Variants in CACHD1 observed in about 807,000 individuals in gnomAD.
CACHD1 encodes the protein cache domain containing 1.
CACHD1 carries 71 observed loss-of-function variants against 138.7 expected under a neutral mutation model. The observed-to-expected ratio is 0.51, with a 90% CI of 0.42 to 0.62. The LOEUF is 0.62. Ranked by LOEUF, CACHD1 falls within the 20% of genes least tolerant of loss-of-function variation. The pLI, the probability that CACHD1 is intolerant of heterozygous loss-of-function variation, is 0.00. For synonymous variants in CACHD1, 578 were observed against 591.5 expected (o/e 0.98, Z 0.33); for missense variants, 1,389 against 1,625.3 (o/e 0.85, Z 2.50).
At chr1:64,542,314 A>AT (rs1042741281) in intron 1 of CACHD1, among the ~76,000 whole-genome samples, 14 of 151,176 alleles carry the variant, frequency 9.3e-5, no homozygotes, top group African/African-American at 2.2e-4. Flanking sequence ...TCACTGATGC[A>AT]TTTTTTTTTA....
At chr1:64,607,103 C>T (rs1647365025) in intron 4 of CACHD1, among the ~76,000 whole-genome samples, 1 of 152,094 alleles carries the variant, frequency 6.6e-6, no homozygotes, top group Non-Finnish European at 1.5e-5. Context: ...AATCATGAGG[C>T]TCATTTAGAT....
intron 8 of CACHD1, among the ~76,000 whole-genome samples, chr1:64,647,383 C>T (rs1407900294): frequency 6.6e-6 from 1 of 152,178 alleles, no homozygotes; most frequent in Non-Finnish European, 1.5e-5. Context: ...GAAAGGATCA[C>T]CCTCTGTTCT....
chr1:64,473,082 G>T (rs955710778), intron 1 of CACHD1, among the ~76,000 whole-genome samples: 1 of 152,024 alleles, frequency 6.6e-6, no homozygotes, highest in Non-Finnish European at 1.5e-5. Flanking sequence ...GTGCCCAAAT[G>T]GTCCTTTATC....
chr1:64,488,038 C>T (rs947615755), intron 1 of CACHD1, among the ~76,000 whole-genome samples: 1 of 152,168 alleles, frequency 6.6e-6, no homozygotes, highest in Middle Eastern at 3.2e-3. Flanking sequence ...TTGTCCATCT[C>T]TAATTTCTGG....
At chr1:64,490,829 T>C (rs1206402860) in intron 1 of CACHD1, among the ~76,000 whole-genome samples, 1 of 152,222 alleles carries the variant, frequency 6.6e-6, no homozygotes, top group Non-Finnish European at 1.5e-5. Flanking sequence ...TCATGCTTTT[T>C]CAGTTATAAC....
intron 1 of CACHD1, among the ~76,000 whole-genome samples, chr1:64,492,645 C>T (rs920564184): frequency 5.3e-5 from 8 of 151,998 alleles, no homozygotes; most frequent in Non-Finnish European, 7.4e-5. Flanking sequence ...GCGGTTACTC[C>T]GCTGATCGTT....
chr1:64,502,134 T>C (rs1043871620), intron 1 of CACHD1, among the ~76,000 whole-genome samples: 5 of 152,212 alleles, frequency 3.3e-5, no homozygotes, highest in Non-Finnish European at 5.9e-5. Context: ...TTTTTCCTTG[T>C]TTTGAATAGA....
intron 2 of CACHD1, among the ~76,000 whole-genome samples, chr1:64,571,951 T>C (rs1557499371): frequency 6.6e-6 from 1 of 152,200 alleles, no homozygotes; most frequent in South Asian, 2.1e-4. Flanking sequence ...TCCCTTTTAT[T>C]TGAAATGCGT....
At chr1:64,685,601 T>C (rs1650342391) in intron 26 of CACHD1, among the ~76,000 whole-genome samples, 1 of 152,026 alleles carries the variant, frequency 6.6e-6, no homozygotes, top group Non-Finnish European at 1.5e-5. Flanking sequence ...ACCTTAGACC[T>C]GAGTTTCCTA....
chr1:64,611,351 C>A (rs1264161963), intron 4 of CACHD1, among the ~76,000 whole-genome samples: 1 of 152,200 alleles, frequency 6.6e-6, no homozygotes. Flanking sequence ...ACCACATGGT[C>A]ATGCTGCACA....
chr1:64,581,916 C>T (rs1397767873), intron 2 of CACHD1, among the ~76,000 whole-genome samples: 4 of 152,082 alleles, frequency 2.6e-5, no homozygotes, highest in African/African-American at 7.2e-5. Context: ...TTTAACGTGC[C>T]GTCATCTGTT....
intron 4 of CACHD1, among the ~76,000 whole-genome samples, chr1:64,616,079 A>G (rs553992657): frequency 6.6e-6 from 1 of 152,274 alleles, no homozygotes; most frequent in East Asian, 1.9e-4. Flanking sequence ...AGATGAAGAG[A>G]TGTATTTCCA....
At chr1:64,678,113 T>A in intron 22 of CACHD1, 46 bp from the exon 23 acceptor site, 5 of 1,588,978 alleles carry the variant, frequency 3.1e-6, no homozygotes, top group Non-Finnish European at 4.3e-6. Flanking sequence ...TGCTGTCCCC[T>A]GCCCCACACT....
rs538103285 is a variant in CACHD1 at position 64,475,648 on chromosome 1, G to A, written c.198+4706G>A. Among the ~76,000 whole-genome samples, 512 of 152,154 alleles carry A rather than the reference G, an allele frequency of 3.4e-3. 5 individuals are homozygous for A. Among genetic ancestry groups the A allele is most frequent in the Non-Finnish European group, 5.9e-3 (404 of 68,004 alleles). The stretch of plus-strand genomic sequence containing the variant: ...TGCAACCTCTGCCTACCGGGTTCAC[G>A]CCATTCTCCTGCCTCAGCCTCCTGA... On this transcript the variant is annotated intron_variant, in intron 1 of 26. Transcript: ENST00000651257.
At chr1:64,544,379 A>G (rs1025201912) in intron 1 of CACHD1, among the ~76,000 whole-genome samples, 2 of 152,128 alleles carry the variant, frequency 1.3e-5, no homozygotes, top group African/African-American at 4.8e-5. Context: ...GGTTGGGCCA[A>G]CTGTCTGGAC....
At chr1:64,484,777 G>A (rs1646232086) in intron 1 of CACHD1, among the ~76,000 whole-genome samples, 2 of 152,218 alleles carry the variant, frequency 1.3e-5, no homozygotes, top group South Asian at 4.1e-4. Context: ...ATGTCTTCAA[G>A]GTTCATCCAT....
intron 26 of CACHD1, among the ~76,000 whole-genome samples, chr1:64,686,297 G>T (rs922439939): frequency 6.6e-6 from 1 of 152,184 alleles, no homozygotes; most frequent in African/African-American, 2.4e-5. Context: ...CATGGTATGA[G>T]TTCAGAGTTG....
chr1:64,563,278 T>C (rs578081486), intron 2 of CACHD1, among the ~76,000 whole-genome samples: 1 of 152,314 alleles, frequency 6.6e-6, no homozygotes, highest in East Asian at 1.9e-4. Context: ...TCTCCAAATA[T>C]CTGCTGGGAC....
chr1:64,504,475 T>G (rs1255923627), intron 1 of CACHD1, among the ~76,000 whole-genome samples: 1 of 152,194 alleles, frequency 6.6e-6, no homozygotes, highest in Non-Finnish European at 1.5e-5. Flanking sequence ...AGTCTCAACC[T>G]TTCTCTTTTG....
Sources: gnomAD v4.1 joint callset for allele counts (sites outside exome capture counted in the v4.1 genomes callset) on GRCh38, gnomAD v4.1.1 for gene constraint, MANE v1.5 for transcripts, NCBI Gene and HGNC (gene_info 2026-07-23, HGNC 2026-07-21) for gene names.